Variants in DISP3 observed in about 807,000 individuals in gnomAD.
DISP3 encodes the protein protein dispatched homolog 3.
In DISP3, 101 loss-of-function variants were observed where a neutral mutation model predicts 135.3. The observed-to-expected ratio is 0.75, with a 90% CI of 0.64 to 0.88. The LOEUF is 0.88. Ranked by LOEUF, DISP3 falls within the 40% of genes least tolerant of loss-of-function variation. The pLI is 0.00. For missense variants in DISP3, 1,713 were observed against 1,878.6 expected, an observed-to-expected ratio of 0.91 and a Z score of 1.63; for synonymous variants, 856 against 817.0, an observed-to-expected ratio of 1.05 and a Z score of -0.81.
At chr1:11,525,059 A>T (rs1360550901) in intron 11 of DISP3, 117 bp from the exon 12 acceptor site, 27 of 1,274,892 alleles carry the variant, frequency 2.1e-5, no homozygotes, top group Non-Finnish European at 1.9e-5. Context: ...TTTTGAGATG[A>T]GCCCAAGGCC....
intron 17 of DISP3, chr1:11,533,857 C>T (rs1237773314): frequency 1.4e-6 from 1 of 717,644 alleles, no homozygotes; most frequent in Non-Finnish European, 2.6e-6. Flanking sequence ...ATTCATCATC[C>T]ATGAGCACCT....
intron 1 of DISP3, among the ~76,000 whole-genome samples, chr1:11,497,235 T>TG (rs1270402605): frequency 2.0e-5 from 3 of 152,152 alleles, no homozygotes; most frequent in African/African-American, 7.2e-5. Context: ...CATAGGTTAT[T>TG]GGGGTACAGG....
rs1257596807 is a variant in DISP3 at position 11,519,865 on chromosome 1, C to T, written c.2185C>T (p.Arg729Cys). The T allele has an allele frequency of 3.0e-5, 48 of 1,609,056 alleles. No homozygotes were observed. The highest frequency in any genetic ancestry group is 3.7e-5 in the Non-Finnish European group (44 of 1,178,244). ...HWVLWSAVKS[R>C]WVIVGLFVSI... is the part of the protein sequence containing the mutation. ...GGTCCTGTGGTCAGCCGTCAAGAGC[C>T]GCTGGGTGATTGTGGGTAAGTGGGC... Residue 729 changes from arginine (R) to cysteine (C), a missense_variant, in exon 9 of 21, where the codon CGC (arginine) becomes TGC (cysteine). Physicochemically the swap from Arg to Cys is radical, Grantham distance 180. Coordinates refer to ENST00000294484, the MANE Select transcript of DISP3 (RefSeq NM_020780.2). This position sits in a 1 kb window ranked among gnomAD's most constrained non-coding sequence, Gnocchi z 4.3.
intron 1 of DISP3, among the ~76,000 whole-genome samples, chr1:11,487,007 C>T (rs2379135): frequency 0.51 from 77,436 of 152,090 alleles, 22,391 homozygotes; most frequent in African/African-American, 0.78. Context: ...AGAAAGTCCT[C>T]ATTTTATATA....
chr1:11,509,131 T>C (rs1175977512), intron 3 of DISP3, among the ~76,000 whole-genome samples: 2 of 152,184 alleles, frequency 1.3e-5, no homozygotes, highest in African/African-American at 2.4e-5. Flanking sequence ...TACTTTCTAT[T>C]TTTCCTTTTG....
At chr1:11,490,037 G>T (rs1353652966) in intron 1 of DISP3, among the ~76,000 whole-genome samples, 2 of 152,100 alleles carry the variant, frequency 1.3e-5, no homozygotes, top group African/African-American at 4.8e-5. Context: ...TGGACTGGCT[G>T]CTGGGCCCAG....
chr1:11,518,501 A>G (rs931426501), intron 7 of DISP3, among the ~76,000 whole-genome samples: 1 of 152,210 alleles, frequency 6.6e-6, no homozygotes, highest in Admixed American at 6.5e-5. Context: ...GTTTCATGAT[A>G]TAGAAGCAGC....
At chr1:11,484,871 A>G (rs557235096) in intron 1 of DISP3, among the ~76,000 whole-genome samples, 6 of 152,112 alleles carry the variant, frequency 3.9e-5, no homozygotes, top group African/African-American at 1.4e-4. Context: ...GTGTCCAGGG[A>G]CCTCAACCTC....
intron 1 of DISP3, among the ~76,000 whole-genome samples, chr1:11,480,037 C>T (rs1156571663): frequency 6.6e-6 from 1 of 152,156 alleles, no homozygotes; most frequent in Non-Finnish European, 1.5e-5. Flanking sequence ...CGCTGAGGGT[C>T]GGGAAAGATT....
In DISP3 at chr1:11,501,476, G is replaced by C. The variant is rs939106048; in HGVS notation, c.484G>C (p.Gly162Arg). Reference sequence around the variant, plus strand: ...AGAGCAGCTGCAGCAGCTGCATCTCGGCAACCGCTCGCGGCAAGCCTCCCG... The same window carrying C: ...AGAGCAGCTGCAGCAGCTGCATCTCCGCAACCGCTCGCGGCAAGCCTCCCG... Reference protein sequence around the residue: ...ISEQLQQLHLGNRSRQASRAP... With the variant: ...ISEQLQQLHLRNRSRQASRAP... The change falls in exon 2 of 21, where the codon GGC becomes CGC. Residue 162 changes from glycine (G) to arginine (R), a missense_variant. Gly to Arg is a moderately radical substitution (Grantham distance 125). Around this residue, in one of 2 missense-constraint regions of DISP3, gnomAD observed 571 missense variants for 494.1 expected, o/e 1.16. Coordinates refer to ENST00000294484, the MANE Select transcript of DISP3 (RefSeq NM_020780.2). This position sits in a 1 kb window ranked among gnomAD's most constrained non-coding sequence, Gnocchi z 4.9. 11 of 1,605,476 alleles carry C rather than the reference G, an allele frequency of 6.9e-6. No homozygotes were observed. Among genetic ancestry groups the C allele is most frequent in the Non-Finnish European group, 8.5e-6 (10 of 1,176,178 alleles).
At position 11,501,296 on chromosome 1, in the gene DISP3, G is replaced by GA; in HGVS notation, c.305dup (p.Asp102GlufsTer8). 1 of 1,614,058 alleles carries GA rather than the reference G, an allele frequency of 6.2e-7. No homozygotes were observed. Among genetic ancestry groups the GA allele is most frequent in the Non-Finnish European group, 8.5e-7 (1 of 1,180,018 alleles). On this transcript the variant is annotated frameshift_variant, in exon 2 of 21. Coordinates refer to ENST00000294484, the MANE Select transcript of DISP3 (RefSeq NM_020780.2). LOFTEE classifies it high-confidence loss of function. This position sits in a 1 kb window ranked among gnomAD's most constrained non-coding sequence, Gnocchi z 4.9. ...CCTTTACTACCCACCGCTGGACATT[G>GA]ACATCTCCTACAACGCCTTTGAGAT...
At chr1:11,525,496 C>T in intron 12 of DISP3, among the ~76,000 whole-genome samples, 184 bp downstream of exon 12, 1 of 152,232 alleles carries the variant, frequency 6.6e-6, no homozygotes, top group East Asian at 1.9e-4. Context: ...GCGTGGGCTT[C>T]TGAGTCAGCC....
At chr1:11,507,245 A>G (rs1478353738) in intron 3 of DISP3, among the ~76,000 whole-genome samples, 1 of 152,178 alleles carries the variant, frequency 6.6e-6, no homozygotes, top group South Asian at 2.1e-4. Flanking sequence ...ATGGTTTGCA[A>G]TCCTGGAAAG....
intron 3 of DISP3, among the ~76,000 whole-genome samples, chr1:11,505,782 G>T (rs183068792): frequency 6.6e-6 from 1 of 152,258 alleles, no homozygotes; most frequent in Admixed American, 6.5e-5. Flanking sequence ...AGCCCCAGAA[G>T]ACATGACATC....
intron 1 of DISP3, among the ~76,000 whole-genome samples, chr1:11,488,890 C>T (rs1056725903): frequency 6.6e-6 from 1 of 152,208 alleles, no homozygotes; most frequent in Non-Finnish European, 1.5e-5. Flanking sequence ...AGGAGAAAAC[C>T]TACGCAAAAA....
intron 4 of DISP3, among the ~76,000 whole-genome samples, 167 bp from the exon 5 acceptor site, chr1:11,515,200 TGG>T (rs2100451994): frequency 6.6e-6 from 1 of 152,334 alleles, no homozygotes; most frequent in East Asian, 1.9e-4. Context: ...GTGCCCTTTT[TGG>T]GTGTGGAAAA....
intron 3 of DISP3, among the ~76,000 whole-genome samples, chr1:11,505,193 T>C (rs1027861858): frequency 2.6e-5 from 4 of 152,236 alleles, no homozygotes; most frequent in African/African-American, 9.6e-5. Context: ...TTTGCACATT[T>C]AAGTTTGAGA....
intron 1 of DISP3, among the ~76,000 whole-genome samples, chr1:11,485,317 T>C (rs774032255): frequency 2.0e-5 from 3 of 152,156 alleles, no homozygotes; most frequent in Non-Finnish European, 4.4e-5. Flanking sequence ...GCTTGATGTC[T>C]TGGTAGGAGG....
rs151332191 is a variant in DISP3 at position 11,495,851 on chromosome 1, C to T, written c.-3-5139C>T. On this transcript the variant is annotated intron_variant, in intron 1 of 20. Coordinates refer to ENST00000294484, the MANE Select transcript of DISP3 (RefSeq NM_020780.2). ...GCCAACTCTCCTTGGTTTCTCTCCT[C>T]GGAGGGCAGAGCCCTCCTCCCCTGC... Among the ~76,000 whole-genome samples the T allele has an allele frequency of 8.2e-4, 125 of 152,328 alleles. 1 individual carries two copies. The highest frequency in any genetic ancestry group is 3.4e-3 in the Middle Eastern group (1 of 294).
Sources: allele counts gnomAD v4.1 joint callset (sites outside exome capture counted in the v4.1 genomes callset), GRCh38; gene constraint gnomAD v4.1.1; regional missense constraint gnomAD v4.1.1; non-coding constraint Gnocchi (gnomAD v3.1); transcripts MANE v1.5; gene names NCBI Gene and HGNC (gene_info 2026-07-23, HGNC 2026-07-21).